RBFOX1: variants seen among roughly 807,000 people sequenced by gnomAD.
RBFOX1 encodes the protein RNA binding fox-1 homolog 1, also known as RNA binding protein fox-1 homolog 1.
RBFOX1 carries 8 observed loss-of-function variants against 57.7 expected under a neutral mutation model. The ratio of observed to expected loss-of-function variants is 0.14; its 90% CI spans 0.08 to 0.25. The LOEUF (loss-of-function observed/expected upper bound fraction) is 0.25. Among genes scored for constraint, RBFOX1 ranks in the 10% least tolerant of loss-of-function variants. The probability of loss-of-function intolerance (pLI) is 1.00; values close to 1 mark genes in which losing one functional copy is unlikely to be tolerated. For missense variants in RBFOX1, 611 were observed against 548.5 expected, an observed-to-expected ratio of 1.11 and a Z score of -1.14; for synonymous variants, 326 against 222.4, an observed-to-expected ratio of 1.47 and a Z score of -4.15.
intron 1 of RBFOX1, among the ~76,000 whole-genome samples, chr16:6,175,452 T>G (rs951186905): frequency 6.6e-6 from 1 of 152,150 alleles, no homozygotes; most frequent in South Asian, 2.1e-4. Context: ...TTTGGCTTTA[T>G]TTAATCCAGT....
At chr16:6,696,682 T>A (rs1210066231) in intron 3 of RBFOX1, among the ~76,000 whole-genome samples, 3 of 83,532 alleles carry the variant, frequency 3.6e-5, no homozygotes, top group Non-Finnish European at 8.1e-5. Flanking sequence ...CAGTTTTATA[T>A]CTCAAAGGAG....
At chr16:5,755,542 C>T (rs55906554) in intron 3 of RBFOX1, among the ~76,000 whole-genome samples, 4,480 of 152,286 alleles carry the variant, frequency 0.029, 101 homozygotes, top group Middle Eastern at 0.044. Context: ...TCACAAAAGA[C>T]GACCACTTCC....
chr16:7,071,871 G>T (rs1318287354), intron 4 of RBFOX1, among the ~76,000 whole-genome samples: 1 of 151,892 alleles, frequency 6.6e-6, no homozygotes, highest in Admixed American at 6.6e-5. Context: ...TTTTACAACA[G>T]CTCCTAATTC....
At chr16:7,382,202 A>G (rs2097791995) in intron 4 of RBFOX1, among the ~76,000 whole-genome samples, 1 of 152,204 alleles carries the variant, frequency 6.6e-6, no homozygotes, top group East Asian at 1.9e-4. Context: ...TGAAGACTCC[A>G]TTTCAGTAAA....
chr16:7,705,648 T>G (rs1391317207), intron 14 of RBFOX1, among the ~76,000 whole-genome samples: 1 of 152,208 alleles, frequency 6.6e-6, no homozygotes, highest in Non-Finnish European at 1.5e-5. Flanking sequence ...TGAAGGGTTT[T>G]AAGCGGGGAG....
At chr16:7,021,728 C>A (rs1597236069) in intron 3 of RBFOX1, among the ~76,000 whole-genome samples, 1 of 150,384 alleles carries the variant, frequency 6.6e-6, no homozygotes, top group African/African-American at 2.4e-5. Context: ...TTGCACATAA[C>A]AAAAATGACC....
intron 14 of RBFOX1, among the ~76,000 whole-genome samples, chr16:7,687,432 T>C (rs1272057492): frequency 6.6e-6 from 1 of 152,024 alleles, no homozygotes; most frequent in Non-Finnish European, 1.5e-5. Flanking sequence ...TCAGACCCCT[T>C]AGACTTAGCT....
intron 4 of RBFOX1, among the ~76,000 whole-genome samples, chr16:5,953,518 A>G (rs1010741565): frequency 4.6e-5 from 7 of 151,902 alleles, no homozygotes; most frequent in African/African-American, 1.5e-4. Flanking sequence ...CGAGTCCCCA[A>G]AGTCCACTGG....
intron 4 of RBFOX1, among the ~76,000 whole-genome samples, chr16:7,166,817 G>T (rs2079601367): frequency 6.6e-6 from 1 of 151,942 alleles, no homozygotes; most frequent in Admixed American, 6.6e-5. Flanking sequence ...AACCCATGCG[G>T]CATCTCTCCC....
intron 3 of RBFOX1, among the ~76,000 whole-genome samples, chr16:5,613,466 C>A (rs1267180504): frequency 1.3e-5 from 2 of 152,108 alleles, no homozygotes; most frequent in Non-Finnish European, 2.9e-5. Flanking sequence ...GGGTTGCAGC[C>A]CTGATTATGG....
chr16:6,272,336 C>G (rs1449157071), intron 1 of RBFOX1, among the ~76,000 whole-genome samples: 1 of 152,138 alleles, frequency 6.6e-6, no homozygotes, highest in Non-Finnish European at 1.5e-5. Flanking sequence ...AGCTGACATG[C>G]TGATACCACA....
intron 3 of RBFOX1, among the ~76,000 whole-genome samples, chr16:6,993,464 G>A (rs2091817628): frequency 6.6e-6 from 1 of 152,184 alleles, no homozygotes; most frequent in African/African-American, 2.4e-5. Flanking sequence ...AGAGTGGGAA[G>A]GGGAGATGGG....
At chr16:5,425,061 T>G (rs140588683) in intron 1 of RBFOX1, among the ~76,000 whole-genome samples, 3,500 of 61,140 alleles carry the variant, frequency 0.057, 148 homozygotes, top group Non-Finnish European at 0.093. Flanking sequence ...CCTTCCTTCC[T>G]TTCTTATCTA....
chr16:7,708,968 A>C lies in RBFOX1; in HGVS notation c.996-88A>C, dbSNP rs1316772903. 18 of 1,266,752 alleles carry C rather than the reference A, an allele frequency of 1.4e-5. No homozygotes were observed. In the East Asian group the frequency reaches 3.3e-4, roughly 23 times the overall value. 78.5% of individuals were successfully genotyped at this position (1,266,752 alleles called of 1,614,324 possible). A position where few individuals can be genotyped will look rare whatever the true frequency, so the allele number is the denominator to read the frequency against. On this transcript the variant is annotated intron_variant, in intron 14 of 15. Transcript: ENST00000550418. ...ACTGGAAGATGAGTAGGGCCCCTGC[A>C]TACTGTCTTGGTATTTTGGATTTTA... is the stretch of plus-strand genomic sequence containing the variant.
chr16:6,309,844 C>T (rs970945350), intron 1 of RBFOX1, among the ~76,000 whole-genome samples: 2 of 152,092 alleles, frequency 1.3e-5, no homozygotes, highest in Non-Finnish European at 1.5e-5. Context: ...CATTTAAGTG[C>T]AATGTGTAAT....
chr16:5,367,674 T>A lies in RBFOX1; in HGVS notation c.220-99542T>A, dbSNP rs546585318. Reference sequence around the variant, plus strand: ...TGTGCCAAGAATTGTGCTCAATACTTTATATGCATGATTTCACTTAATCTT... The same window carrying A: ...TGTGCCAAGAATTGTGCTCAATACTATATATGCATGATTTCACTTAATCTT... On this transcript the variant is annotated intron_variant, in intron 1 of 2. Coordinates refer to the RBFOX1 transcript ENST00000585867. 4.9e-4 allele frequency among the ~76,000 whole-genome samples: 75 copies of A among 152,304 alleles called. 1 individual carries two copies. Among genetic ancestry groups the A allele is most frequent in the Admixed American group, 3.1e-3 (48 of 15,306 alleles).
intron 4 of RBFOX1, among the ~76,000 whole-genome samples, chr16:5,910,285 A>G (rs887512925): frequency 6.6e-6 from 1 of 152,106 alleles, no homozygotes; most frequent in Non-Finnish European, 1.5e-5. Context: ...AGTTTCACAT[A>G]GCATCACACA....
At position 6,446,428 on chromosome 16, in the gene RBFOX1, A is replaced by G. The variant is rs140603243; in HGVS notation, c.-64+129371A>G. ...CTTCATTGTTTTCGGAAAAATATAG[A>G]TTTTAAACTTAAAAAAATTTCTCAT... On this transcript the variant is annotated intron_variant, in intron 2 of 15. Transcript: ENST00000550418. Among the ~76,000 whole-genome samples, 159 of 152,336 alleles carry G rather than the reference A, an allele frequency of 1.0e-3. 1 individual carries two copies. Among genetic ancestry groups the G allele is most frequent in the African/African-American group, 3.8e-3 (156 of 41,574 alleles).
intron 3 of RBFOX1, among the ~76,000 whole-genome samples, chr16:6,877,459 G>T: frequency 6.6e-6 from 1 of 152,110 alleles, no homozygotes. Flanking sequence ...GGGGAAGCTT[G>T]ACTTCTGCTT....
Sources: allele counts gnomAD v4.1 joint callset (sites outside exome capture counted in the v4.1 genomes callset), GRCh38; gene constraint gnomAD v4.1.1; transcripts MANE v1.5; gene names NCBI Gene and HGNC (gene_info 2026-07-23, HGNC 2026-07-21).